NTN3: variants seen among roughly 807,000 people sequenced by gnomAD.
NTN3 encodes netrin-3.
Under a neutral mutation model 37.2 loss-of-function variants are expected in NTN3, and 44 were observed. The ratio of observed to expected loss-of-function variants is 1.18; its 90% CI spans 0.93 to 1.52. The LOEUF (loss-of-function observed/expected upper bound fraction) is 1.52, where lower values mean the gene tolerates loss of function less well. Ranked by LOEUF, NTN3 falls within the 40% of genes most tolerant of loss-of-function variation. The pLI is 0.00. For missense variants in NTN3, 882 were observed against 857.3 expected, an observed-to-expected ratio of 1.03 and a Z score of -0.36; for synonymous variants, 385 against 376.0, an observed-to-expected ratio of 1.02 and a Z score of -0.28.
At chr16:2,472,655 GA>G in intron 1 of NTN3, 26 bp downstream of exon 1, 2 of 1,602,762 alleles carry the variant, frequency 1.2e-6, no homozygotes, top group Non-Finnish European at 1.7e-6. Flanking sequence ...GTGGCCTGGG[GA>G]CCTTGGACAC....
Position 2,473,293 on chromosome 16 carries a change from G to T in NTN3, c.1293G>T (p.Glu431Asp). 1 of 1,612,948 alleles carries T rather than the reference G, an allele frequency of 6.2e-7. No homozygotes were observed. Among genetic ancestry groups the T allele is most frequent in the Non-Finnish European group, 8.5e-7 (1 of 1,179,988 alleles). ...CVKTPIPGPT[E>D]DSSPVQPQDC... is the part of the protein sequence containing the mutation. ...AGACCCCTATCCCTGGACCCACTGA[G>T]GACAGCAGCCCTGTGCAGCCCCAGG... Residue 431 changes from glutamate (E) to aspartate (D), a missense_variant, in exon 4 of 6, where the codon GAG (glutamate) becomes GAT (aspartate). Coordinates refer to ENST00000293973, the MANE Select transcript of NTN3 (RefSeq NM_006181.3).
Position 2,472,042 on chromosome 16 carries a change from CT to C in NTN3, c.345del (p.Phe115LeufsTer6). 6.2e-7 allele frequency: 1 copy of C among 1,608,994 alleles called. No individual in the cohort carries two copies. On this transcript the variant is annotated frameshift_variant, in exon 1 of 6. Transcript: ENST00000293973. LOFTEE classifies it high-confidence loss of function. ...NVTLTVPLGKAFELVFVSLRF... is the reference protein window; with the variant it reads ...NVTLTVPLGKXFELVFVSLRF... ...ACTCTCACGGTGCCCCTGGGCAAGG[CT>C]TTTGAGCTGGTCTTCGTGAGCCTGC...
rs1041777663 is a variant in NTN3, at chr16:2,471,715, C to T, written c.14C>T (p.Pro5Leu). 6 of 1,365,896 alleles carry T rather than the reference C, an allele frequency of 4.4e-6. No individual in the cohort carries two copies. The African/African-American group carries it at 4.6e-5, about 10-fold the overall frequency. 84.6% of individuals were successfully genotyped at this position (1,365,896 alleles called of 1,614,324 possible). Residue 5 changes from proline (P) to leucine (L), a missense_variant, in exon 1 of 6, where the codon CCC becomes CTC. Transcript: ENST00000293973. ...GCGGCTCCGGCCATGCCTGGCTGGCCCTGGGGGCTGCTGCTGACGGCAGGC... is the reference window on the plus strand; with the variant it reads ...GCGGCTCCGGCCATGCCTGGCTGGCTCTGGGGGCTGCTGCTGACGGCAGGC... The part of the protein sequence containing the change: MPGW[P>L]WGLLLTAGTL...
At position 2,473,084 on chromosome 16, in the gene NTN3, G is replaced by T. The variant is rs373478287; in HGVS notation, c.1217G>T (p.Arg406Leu). 2.5e-5 allele frequency: 41 copies of T among 1,610,162 alleles called. No individual in the cohort carries two copies. Among genetic ancestry groups the T allele is most frequent in the East Asian group, 2.2e-5 (1 of 44,866 alleles). The change falls in exon 3 of 6, where the codon CGC becomes CTC. Residue 406 changes from arginine to leucine, a missense_variant. Transcript: ENST00000293973. ...KDGVTGLTCN[R>L]CAPGFQQSRS... ...GGCGTCACTGGCCTCACCTGCAACCGCTGCGCGCCTGGCTTCCAGCAAAGC... is the reference window on the plus strand; with the variant it reads ...GGCGTCACTGGCCTCACCTGCAACCTCTGCGCGCCTGGCTTCCAGCAAAGC...
Position 2,472,756 on chromosome 16 carries a change from A to G in NTN3, c.984A>G (p.Arg328=), listed in dbSNP as rs1482976906. ...RRCRFNMELY[R]LSGRRSGGVC... is the part of the protein sequence containing the mutation. ...GCCGCTTCAACATGGAGCTGTACCG[A>G]CTGTCCGGCCGCCGCAGCGGGGGTG... The change falls in exon 2 of 6, where the codon CGA becomes CGG. Residue 328 remains arginine (R), a synonymous_variant. Transcript: ENST00000293973. 1 of 1,608,534 alleles carries G rather than the reference A, an allele frequency of 6.2e-7. No individual in the cohort carries two copies. Among genetic ancestry groups the G allele is most frequent in the African/African-American group, 1.3e-5 (1 of 74,830 alleles).
rs2065541243 is a variant in NTN3, at chr16:2,474,000, C to T, written c.1638C>T (p.Leu546=). The T allele has an allele frequency of 8.5e-7, 1 of 1,182,894 alleles. No individual in the cohort carries two copies. The highest frequency in any genetic ancestry group is 1.0e-6 in the Non-Finnish European group (1 of 956,658). 73.3% of individuals were successfully genotyped at this position (1,182,894 alleles called of 1,614,324 possible). The stretch of plus-strand genomic sequence containing the variant: ...GCGCGGGGGGCCGGGGGCCCGGGCT[C>T]ATCGCCGCCCGCGGAAGCCTCGTGC... ...AGGAGGRGPG[L]IAARGSLVLP... is the part of the protein sequence containing the mutation. Residue 546 remains leucine (L), a synonymous_variant, in exon 6 of 6, where the codon CTC becomes CTT. Transcript: ENST00000293973.
chr16:2,472,821 G>T lies in NTN3; in HGVS notation c.1049G>T (p.Cys350Phe). ...CGGCACAACACCGCCGGCCGCCACT[G>T]CCACTACTGCCGGGAGGGCTTCTAT... ...NCRHNTAGRH[C>F]HYCREGFYRD... is the part of the protein sequence containing the mutation. The change falls in exon 2 of 6, where the codon TGC becomes TTC. Residue 350 changes from cysteine (C) to phenylalanine (F), a missense_variant. Physicochemically the swap from Cys to Phe is radical, Grantham distance 205. Coordinates refer to ENST00000293973, the MANE Select transcript of NTN3 (RefSeq NM_006181.3). 6.2e-7 allele frequency: 1 copy of T among 1,609,922 alleles called. No homozygotes were observed.
chr16:2,473,766 GGCGGTGGGTGCGCGCGGCGAGGCGC>G lies in NTN3; in HGVS notation c.1409_1433del (p.Val470AlafsTer?), dbSNP rs775513343. 8 of 1,392,786 alleles carry G rather than the reference GGCGGTGGGTGCGCGCGGCGAGGCGC, an allele frequency of 5.7e-6. No individual in the cohort carries two copies. The South Asian group carries it at 9.7e-5, about 17-fold the overall frequency. 86.3% of individuals were successfully genotyped at this position (1,392,786 alleles called of 1,614,324 possible). On this transcript the variant is annotated frameshift_variant, in exon 6 of 6. Transcript: ENST00000293973. LOFTEE classifies it low-confidence loss of function (END_TRUNC). ...TCGCTCTCCCCGCAGCGGTGCAGGT[GGCGGTGGGTGCGCGCGGCGAGGCGC>G]GCGGCGCGTGGACACGCTTCCCGGT... is the stretch of plus-strand genomic sequence containing the variant.
In NTN3 at chr16:2,471,945, A is replaced by G. The variant is rs749909006; in HGVS notation, c.244A>G (p.Thr82Ala). The G allele has an allele frequency of 3.9e-6, 6 of 1,553,008 alleles. No individual in the cohort carries two copies. In the East Asian group the frequency reaches 1.1e-4, roughly 30 times the overall value. Residue 82 changes from threonine (T) to alanine (A), a missense_variant, in exon 1 of 6, where the codon ACT (threonine) becomes GCT (alanine). Transcript: ENST00000293973. ...ACGGGCACACTCCCCCGCCCTCCTT[A>G]CTTCCCCAGGGGGCACGGCCAGCCC... Reference protein sequence around the residue: ...PRRAHSPALLTSPGGTASPLC... With the variant: ...PRRAHSPALLASPGGTASPLC...
Position 2,473,545 on chromosome 16 carries a change from C to T in NTN3, c.1393+42C>T. 3.2e-6 allele frequency: 5 copies of T among 1,554,858 alleles called. No individual in the cohort carries two copies. The South Asian group carries it at 5.6e-5, about 17-fold the overall frequency. The stretch of plus-strand genomic sequence containing the variant: ...CTCCCGCGGACCTTCCCACCTTCCT[C>T]CTCTCCCTACCTTCCCTCCTCCGCC... On this transcript the variant is annotated intron_variant, in intron 5 of 5. Transcript: ENST00000293973.
In NTN3 at chr16:2,472,018, C is replaced by T; in HGVS notation, c.317C>T (p.Thr106Ile). ...ESLPRAPLNV[T>I]LTVPLGKAFE... Reference sequence around the variant, plus strand: ...CTGCCTCGGGCGCCCCTCAACGTGACTCTCACGGTGCCCCTGGGCAAGGCT... The same window carrying T: ...CTGCCTCGGGCGCCCCTCAACGTGATTCTCACGGTGCCCCTGGGCAAGGCT... Residue 106 changes from threonine (T) to isoleucine (I), a missense_variant, in exon 1 of 6, where the codon ACT becomes ATT. Transcript: ENST00000293973. 1 of 1,607,000 alleles carries T rather than the reference C, an allele frequency of 6.2e-7. No homozygotes were observed. The highest frequency in any genetic ancestry group is 8.5e-7 in the Non-Finnish European group (1 of 1,179,542).
Position 2,471,483 on chromosome 16 carries a change from G to T in NTN3, c.-219G>T. ...GGGAGCGGGGGCGACGCCTGTCATC[G>T]CTCTAGGCCCAGCGGGAGGACGCGC... On this transcript the variant is annotated 5_prime_UTR_variant, in exon 1 of 6. Transcript: ENST00000293973. The T allele has an allele frequency of 7.9e-6, 3 of 378,602 alleles. No individual in the cohort carries two copies. The highest frequency in any genetic ancestry group is 1.4e-5 in the Non-Finnish European group (3 of 213,994). 23.5% of individuals were successfully genotyped at this position (378,602 alleles called of 1,614,324 possible).
rs1299829086 is a variant in NTN3 at position 2,473,523 on chromosome 16, C to CCG, written c.1393+23_1393+24dup. ...ACTATGGTAGGTGCCCTCAGGCCTC[C>CCG]CGCGGACCTTCCCACCTTCCTCCTC... On this transcript the variant is annotated intron_variant, in intron 5 of 5. Coordinates refer to ENST00000293973, the MANE Select transcript of NTN3 (RefSeq NM_006181.3). 6.2e-7 allele frequency: 1 copy of CCG among 1,607,718 alleles called. No homozygotes were observed. The highest frequency in any genetic ancestry group is 1.7e-5 in the Admixed American group (1 of 60,002).
rs973742335 is a variant in NTN3 at position 2,473,680 on chromosome 16, G to C, written c.1394-76G>C. Reference sequence around the variant, plus strand: ...CCCTTCAGCCCCCACTGCCCTCCTGGTGTCCTCCCCGTGCCTCCCCCTACC... The same window carrying C: ...CCCTTCAGCCCCCACTGCCCTCCTGCTGTCCTCCCCGTGCCTCCCCCTACC... On this transcript the variant is annotated intron_variant, in intron 5 of 5. Transcript: ENST00000293973. 11 of 1,336,936 alleles carry C rather than the reference G, an allele frequency of 8.2e-6. No homozygotes were observed. The Admixed American group carries it at 2.7e-4, about 33-fold the overall frequency. 82.8% of individuals were successfully genotyped at this position (1,336,936 alleles called of 1,614,324 possible).
Position 2,473,845 on chromosome 16 carries a change from GAGGA to G in NTN3, c.1484_1487del (p.Glu495GlyfsTer?). 7.5e-7 allele frequency: 1 copy of G among 1,333,358 alleles called. No homozygotes were observed. The highest frequency in any genetic ancestry group is 2.0e-5 in the South Asian group (1 of 49,128). The allele number at this position is 1,333,358 out of a possible 1,614,324, so 82.6% of individuals were successfully genotyped here. On this transcript the variant is annotated frameshift_variant, in exon 6 of 6. Transcript: ENST00000293973. LOFTEE classifies it low-confidence loss of function (END_TRUNC). ...GGTGCTCGCCGTGTTCCGGAGCGGA[GAGGA>G]GCGCGCGCGGCGCGGGAGTAGCGCG...
In NTN3 at chr16:2,472,073, C is replaced by T. The variant is rs1051939909; in HGVS notation, c.372C>T (p.Phe124=). 1.9e-6 allele frequency: 3 copies of T among 1,607,244 alleles called. No homozygotes were observed. The African/African-American group carries it at 4.0e-5, about 21-fold the overall frequency. ...AFELVFVSLR[F]CSAPPASVAL... ...AGCTGGTCTTCGTGAGCCTGCGCTT[C>T]TGCTCAGCTCCCCCAGCCTCCGTGG... is the stretch of plus-strand genomic sequence containing the variant. Residue 124 remains phenylalanine, a synonymous_variant, in exon 1 of 6, where the codon TTC becomes TTT. Coordinates refer to ENST00000293973, the MANE Select transcript of NTN3 (RefSeq NM_006181.3).
In NTN3 at chr16:2,473,874, G is replaced by T; in HGVS notation, c.1512G>T (p.Ala504=). Residue 504 remains alanine, a synonymous_variant, in exon 6 of 6, where the codon GCG becomes GCT. Transcript: ENST00000293973. ...AGCGCGCGCGGCGCGGGAGTAGCGCGCTGTGGGTGCCCGCCGGGGATGCGG... is the reference window on the plus strand; with the variant it reads ...AGCGCGCGCGGCGCGGGAGTAGCGCTCTGTGGGTGCCCGCCGGGGATGCGG... ...GEERARRGSS[A]LWVPAGDAAC... The T allele has an allele frequency of 8.0e-7, 1 of 1,256,114 alleles. No individual in the cohort carries two copies. The highest frequency in any genetic ancestry group is 1.0e-6 in the Non-Finnish European group (1 of 1,003,154). The allele number at this position is 1,256,114 out of a possible 1,614,324, so 77.8% of individuals were successfully genotyped here. A position where few individuals can be genotyped will look rare whatever the true frequency, so the allele number is the denominator to read the frequency against.
rs375318047 is a variant in NTN3 at position 2,473,460 on chromosome 16, C to T, written c.1350C>T (p.Gly450=). Residue 450 remains glycine, a synonymous_variant, in exon 5 of 6, where the codon GGC becomes GGT. Transcript: ENST00000293973. Reference sequence around the variant, plus strand: ...ACTCGCACTGCAAACCTGCCCGTGGCAGCTACCGCATCAGCCTAAAGAAGT... The same window carrying T: ...ACTCGCACTGCAAACCTGCCCGTGGTAGCTACCGCATCAGCCTAAAGAAGT... The part of the protein sequence containing the change: ...DCDSHCKPAR[G]SYRISLKKFC... 1 of 1,612,930 alleles carries T rather than the reference C, an allele frequency of 6.2e-7. No homozygotes were observed. The highest frequency in any genetic ancestry group is 1.7e-5 in the Admixed American group (1 of 60,002).
rs749963639 is a variant in NTN3, at chr16:2,472,683, A to C, written c.929-18A>C. 1 of 1,607,958 alleles carries C rather than the reference A, an allele frequency of 6.2e-7. No homozygotes were observed. Among genetic ancestry groups the C allele is most frequent in the African/African-American group, 1.3e-5 (1 of 74,732 alleles). On this transcript the variant is annotated intron_variant, in intron 1 of 5. Coordinates refer to ENST00000293973, the MANE Select transcript of NTN3 (RefSeq NM_006181.3). Reference sequence around the variant, plus strand: ...CTTGGACACAACCAGCCTGCCCCTGACCCATCCCTCCCTGCAGCTTGCTCC... The same window carrying C: ...CTTGGACACAACCAGCCTGCCCCTGCCCCATCCCTCCCTGCAGCTTGCTCC...
Sources: gnomAD v4.1 joint callset for allele counts on GRCh38, gnomAD v4.1.1 for gene constraint, MANE v1.5 for transcripts, NCBI Gene and HGNC (gene_info 2026-07-23, HGNC 2026-07-21) for gene names.